Variants in THNSL1 observed in about 807,000 individuals in gnomAD.
THNSL1 encodes the protein threonine synthase-like 1.
Under a neutral mutation model 50.4 loss-of-function variants are expected in THNSL1, and 48 were observed. That is an observed-to-expected ratio of 0.95 (90% CI 0.76 to 1.21). The LOEUF (loss-of-function observed/expected upper bound fraction) is 1.21. Ranked by LOEUF, THNSL1 falls within the 50% of genes most tolerant of loss-of-function variation. The probability of loss-of-function intolerance (pLI) is 0.00; values close to 1 mark genes in which losing one functional copy is unlikely to be tolerated. For synonymous variants in THNSL1, 309 were observed against 306.1 expected, an observed-to-expected ratio of 1.01 and a Z score of -0.10; for missense variants, 896 against 871.7, an observed-to-expected ratio of 1.03 and a Z score of -0.35.
upstream of THNSL1, among the ~76,000 whole-genome samples, chr10:25,012,969 G>T (rs763839160): frequency 6.6e-6 from 1 of 152,172 alleles, no homozygotes; most frequent in Non-Finnish European, 1.5e-5. Flanking sequence ...GGAGGGATCT[G>T]GTGATAGGTA....
At chr10:24,963,419 C>CGGA in the THNSL1 span, among the ~76,000 whole-genome samples, 2 of 152,196 alleles carry the variant, frequency 1.3e-5, no homozygotes, top group Non-Finnish European at 2.9e-5. Context: ...AGGCGTAGTT[C>CGGA]TCAGGTTCAG....
At chr10:24,981,341 C>T in the THNSL1 span, among the ~76,000 whole-genome samples, 1 of 152,184 alleles carries the variant, frequency 6.6e-6, no homozygotes, top group Non-Finnish European at 1.5e-5. Context: ...TTAAGCTTAT[C>T]TTTCTTTTTG....
At chr10:25,005,809 G>A in the THNSL1 span, among the ~76,000 whole-genome samples, 1 of 152,204 alleles carries the variant, frequency 6.6e-6, no homozygotes, top group Non-Finnish European at 1.5e-5. Flanking sequence ...ATGTCATTGA[G>A]TATAATGATG....
chr10:24,995,506 G>C, the THNSL1 span: 1 of 733,488 alleles, frequency 1.4e-6, no homozygotes, highest in Non-Finnish European at 2.2e-6. Context: ...ACCAAACACA[G>C]ATTGCAGAAG....
chr10:25,018,047 C>A (rs752153869), intron 1 of THNSL1, among the ~76,000 whole-genome samples: 1 of 152,082 alleles, frequency 6.6e-6, no homozygotes, highest in Admixed American at 6.6e-5. Context: ...CACCAACTGG[C>A]CTTTGGTAGC....
At chr10:24,967,516 C>T in the THNSL1 span, among the ~76,000 whole-genome samples, 1 of 152,148 alleles carries the variant, frequency 6.6e-6, no homozygotes, top group African/African-American at 2.4e-5. Flanking sequence ...CATTGTGTTA[C>T]TCTTTGCTTA....
chr10:25,006,174 C>G, the THNSL1 span, among the ~76,000 whole-genome samples: 3 of 151,902 alleles, frequency 2.0e-5, no homozygotes, highest in Non-Finnish European at 4.4e-5. Flanking sequence ...AGCTGCACAC[C>G]CAGAGCACAA....
At chr10:25,021,141 A>C (rs1037679101) in intron 1 of THNSL1, among the ~76,000 whole-genome samples, 1 of 152,186 alleles carries the variant, frequency 6.6e-6, no homozygotes, top group African/African-American at 2.4e-5. Flanking sequence ...TTGTACCTAC[A>C]TATTTGGGTT....
At chr10:24,954,562 C>T in the THNSL1 span, among the ~76,000 whole-genome samples, 2 of 152,160 alleles carry the variant, frequency 1.3e-5, no homozygotes, top group South Asian at 4.1e-4. Context: ...CTTAGAAAGG[C>T]TATTAGTTTA....
At chr10:24,988,260 ATATATT>A in the THNSL1 span, among the ~76,000 whole-genome samples, 70 of 140,498 alleles carry the variant, frequency 5.0e-4, no homozygotes, top group African/African-American at 1.9e-3. Context: ...ATGTGTATAT[ATATATT>A]TATATATATG....
chr10:24,969,155 A>C, the THNSL1 span, among the ~76,000 whole-genome samples: 3 of 152,172 alleles, frequency 2.0e-5, no homozygotes, highest in Non-Finnish European at 2.9e-5. Flanking sequence ...CGGCCTGTCG[A>C]AGTGCTGGGA....
At chr10:24,976,025 T>C in the THNSL1 span, among the ~76,000 whole-genome samples, 1 of 152,214 alleles carries the variant, frequency 6.6e-6, no homozygotes, top group Non-Finnish European at 1.5e-5. Flanking sequence ...TGGCAAACCA[T>C]TTGGTAAAAT....
chr10:25,024,794 G>A lies in THNSL1; in HGVS notation c.1571G>A (p.Gly524Glu), dbSNP rs1338052545. The A allele has an allele frequency of 1.9e-6, 3 of 1,614,006 alleles. No individual in the cohort carries two copies. The highest frequency in any genetic ancestry group is 1.3e-5 in the African/African-American group (1 of 74,914). The change falls in exon 3 of 3, where the codon GGA (glycine) becomes GAA (glutamate). Residue 524 changes from glycine to glutamate, a missense_variant. Coordinates refer to ENST00000376356, the MANE Select transcript of THNSL1 (RefSeq NM_024838.5). The stretch of plus-strand genomic sequence containing the variant: ...GCAGCAGTGTATGCCAAAATGATGG[G>A]AATCCCGATTCGAAAATTTATCTGT... ...ILAAVYAKMM[G>E]IPIRKFICAS...
the THNSL1 span, among the ~76,000 whole-genome samples, chr10:24,968,253 T>G: frequency 7.2e-5 from 11 of 152,152 alleles, no homozygotes; most frequent in African/African-American, 1.7e-4. Flanking sequence ...GCCTTTTTCC[T>G]TTGTCTCTGA....
the THNSL1 span, among the ~76,000 whole-genome samples, chr10:25,007,331 T>C: frequency 6.6e-6 from 1 of 152,258 alleles, no homozygotes; most frequent in South Asian, 2.1e-4. Context: ...TGTCATATTT[T>C]CTTCTCTCAA....
intron 1 of THNSL1, among the ~76,000 whole-genome samples, chr10:25,019,516 C>T (rs1380353489): frequency 2.0e-5 from 3 of 152,118 alleles, no homozygotes; most frequent in Admixed American, 1.3e-4. Context: ...AGTAAAAATA[C>T]CACAAACAAA....
At chr10:24,959,988 C>G in the THNSL1 span, among the ~76,000 whole-genome samples, 92 of 152,274 alleles carry the variant, frequency 6.0e-4, no homozygotes, top group Non-Finnish European at 1.1e-3. Context: ...TGACATGCAA[C>G]TTGGTGTTTT....
At chr10:24,952,851 C>T in the THNSL1 span, among the ~76,000 whole-genome samples, 1 of 151,686 alleles carries the variant, frequency 6.6e-6, no homozygotes, top group South Asian at 2.1e-4. This position sits in a 1 kb window ranked among gnomAD's most constrained non-coding sequence, Gnocchi z 5.1. Context: ...GCCCCGGACG[C>T]GTCCCTTGCG....
the THNSL1 span, among the ~76,000 whole-genome samples, chr10:24,952,940 T>G: frequency 5.3e-5 from 8 of 151,852 alleles, no homozygotes; most frequent in Admixed American, 3.3e-4. The surrounding 1 kb of genome is among the most constrained non-coding windows in gnomAD (Gnocchi z 5.1). Context: ...GCGGGGACTC[T>G]GGAGCAGGAA....
Sources: gnomAD v4.1 joint callset for allele counts (sites outside exome capture counted in the v4.1 genomes callset) on GRCh38, gnomAD v4.1.1 for gene constraint, Gnocchi (gnomAD v3.1) non-coding constraint, MANE v1.5 for transcripts, NCBI Gene and HGNC (gene_info 2026-07-23, HGNC 2026-07-21) for gene names.